ASXL2: variants seen among roughly 807,000 people sequenced by gnomAD.
ASXL2 encodes ASXL transcriptional regulator 2, also known as putative Polycomb group protein ASXL2.
In ASXL2, 23 loss-of-function variants were observed where a neutral mutation model predicts 122.0. The ratio of observed to expected loss-of-function variants is 0.19; its 90% CI spans 0.14 to 0.27. ASXL2 has a LOEUF of 0.27. Ranked by LOEUF, ASXL2 falls within the 10% of genes least tolerant of loss-of-function variation. The pLI is 1.00. For missense variants in ASXL2, 1,518 were observed against 1,713.8 expected, an observed-to-expected ratio of 0.89 and a Z score of 2.02; for synonymous variants, 650 against 637.0, an observed-to-expected ratio of 1.02 and a Z score of -0.31.
chr2:25,804,715 T>C (rs934709957), intron 4 of ASXL2, among the ~76,000 whole-genome samples: 1 of 152,220 alleles, frequency 6.6e-6, no homozygotes, highest in African/African-American at 2.4e-5. Flanking sequence ...GAAAAGTTAT[T>C]GATAAGTAAA....
intron 8 of ASXL2, among the ~76,000 whole-genome samples, chr2:25,766,461 C>G (rs930805071): frequency 1.1e-4 from 17 of 152,296 alleles, no homozygotes; most frequent in African/African-American, 4.1e-4. Context: ...CCTACTGAAC[C>G]TCTTTTTAAC....
intron 3 of ASXL2, chr2:25,810,574 GCT>G (rs2089153122): frequency 1.4e-6 from 1 of 724,262 alleles, no homozygotes; most frequent in Admixed American, 1.9e-5. Context: ...GAGGTGCTCA[GCT>G]CTCTCCTCTG....
intron 3 of ASXL2, among the ~76,000 whole-genome samples, chr2:25,822,082 C>G (rs1309001006): frequency 1.3e-5 from 2 of 152,014 alleles, no homozygotes; most frequent in Admixed American, 6.5e-5. Flanking sequence ...ATTGAGTTGG[C>G]GAGAAGAATT....
intron 1 of ASXL2, among the ~76,000 whole-genome samples, chr2:25,872,729 T>C (rs2089971370): frequency 6.6e-6 from 1 of 152,148 alleles, no homozygotes; most frequent in Non-Finnish European, 1.5e-5. Flanking sequence ...GAATCTCTAT[T>C]ATATGGATAA....
chr2:25,810,377 C>T (rs1404484847), intron 3 of ASXL2: 1 of 660,154 alleles, frequency 1.5e-6, no homozygotes, highest in African/African-American at 1.8e-5. Flanking sequence ...CAGTTTTTAA[C>T]AACCTTCATA....
intron 2 of ASXL2, among the ~76,000 whole-genome samples, chr2:25,837,953 C>CAAAAAAAA (rs34490545): frequency 1.5e-5 from 1 of 65,382 alleles, no homozygotes; most frequent in Non-Finnish European, 3.4e-5. Context: ...CCTGTCTCTA[C>CAAAAAAAA]AAAAAAAAAA....
In ASXL2 at chr2:25,750,334, G is replaced by C. The variant is rs1341185112; in HGVS notation, c.1222C>G (p.Gln408Glu). ...DPKVKKTPAE[Q>E]PKSMPVSEAS... is the part of the protein sequence containing the mutation. ...TCTGACACAGGCATGGATTTTGGTT[G>C]TTCAGCTGGGGTTTTCTTTACTTTG... The change falls in exon 12 of 13, where the codon CAA (glutamine) becomes GAA (glutamate). Residue 408 changes from glutamine to glutamate, a missense_variant. By Grantham distance (29) the Gln-to-Glu change is conservative. This residue lies in a region of ASXL2 where 292 missense variants were observed against 293.5 expected (regional missense o/e 1.00). Transcript: ENST00000435504. The C allele has an allele frequency of 1.2e-6, 2 of 1,613,964 alleles. No homozygotes were observed. Among genetic ancestry groups the C allele is most frequent in the Admixed American group, 1.7e-5 (1 of 60,002 alleles).
chr2:25,831,608 C>T (rs923243672), intron 3 of ASXL2, among the ~76,000 whole-genome samples: 3 of 151,948 alleles, frequency 2.0e-5, no homozygotes, highest in Non-Finnish European at 2.9e-5. Context: ...GAGCTGAGAT[C>T]GCACCACTGC....
chr2:25,799,668 A>G, intron 4 of ASXL2, 133 bp from the exon 5 acceptor site: 1 of 1,068,266 alleles, frequency 9.4e-7, no homozygotes, highest in Non-Finnish European at 1.3e-6. Context: ...CAGAACCAGC[A>G]ATATTTTCTG....
chr2:25,856,807 T>C, intron 1 of ASXL2: 2 of 1,167,572 alleles, frequency 1.7e-6, no homozygotes, highest in East Asian at 2.4e-5. Flanking sequence ...TTGGTGACTG[T>C]CAGGTCATCC....
In ASXL2 at chr2:25,739,703, A is replaced by AT. The variant is rs2087795604; in HGVS notation, c.*2325dup. ...CTCTAAACGGACTTAAAAATCCCTG[A>AT]TACCTTTCCTCCTTTCCTAGTTATA... On this transcript the variant is annotated 3_prime_UTR_variant, in exon 13 of 13. Coordinates refer to ENST00000435504, the MANE Select transcript of ASXL2 (RefSeq NM_018263.6). 2 of 207,494 alleles carry AT rather than the reference A, an allele frequency of 9.6e-6. No individual in the cohort carries two copies. 12.9% of individuals were successfully genotyped at this position (207,494 alleles called of 1,614,324 possible).
At chr2:25,803,489 G>A (rs1243242684) in intron 4 of ASXL2, among the ~76,000 whole-genome samples, 1 of 152,174 alleles carries the variant, frequency 6.6e-6, no homozygotes, top group African/African-American at 2.4e-5. Flanking sequence ...CCCTCAACCT[G>A]TGGAATCTGA....
intron 1 of ASXL2, among the ~76,000 whole-genome samples, chr2:25,875,859 T>C (rs1337412590): frequency 6.6e-6 from 1 of 152,220 alleles, no homozygotes; most frequent in Non-Finnish European, 1.5e-5. Context: ...AACATTCTTA[T>C]TTAGGTCAAA....
chr2:25,862,018 A>T (rs950904319), intron 1 of ASXL2, among the ~76,000 whole-genome samples: 5 of 152,152 alleles, frequency 3.3e-5, no homozygotes, highest in Non-Finnish European at 7.4e-5. Context: ...TTTCCAGCTA[A>T]TTTAATGTCA....
chr2:25,871,927 C>A (rs1262615729), intron 1 of ASXL2, among the ~76,000 whole-genome samples: 2 of 152,292 alleles, frequency 1.3e-5, no homozygotes, highest in Middle Eastern at 3.4e-3. Context: ...TGCATCAGAG[C>A]AGTTCCTCAA....
At chr2:25,836,404 G>A (rs2089510640) in intron 2 of ASXL2, among the ~76,000 whole-genome samples, 1 of 152,122 alleles carries the variant, frequency 6.6e-6, no homozygotes, top group Admixed American at 6.6e-5. Flanking sequence ...ACTCTGCAGG[G>A]ATAAGGATTT....
chr2:25,799,533 T>C lies in ASXL2; in HGVS notation c.255A>G (p.Lys85=), dbSNP rs768404923. 8.1e-6 allele frequency: 13 copies of C among 1,609,530 alleles called. No individual in the cohort carries two copies. The highest frequency in any genetic ancestry group is 5.5e-5 in the South Asian group (5 of 90,452). ...GCTCTTTCACCCCATCCGGCACATCTTTCTGAAAATGTAGGCATCCAATTA... is the reference window on the plus strand; with the variant it reads ...GCTCTTTCACCCCATCCGGCACATCCTTCTGAAAATGTAGGCATCCAATTA... The part of the protein sequence containing the change: ...PGRMGVYTLK[K]DVPDGVKELS... The change falls in exon 5 of 13, where the codon AAA becomes AAG. Residue 85 remains lysine (K), a splice_region_variant and synonymous_variant. Coordinates refer to ENST00000435504, the MANE Select transcript of ASXL2 (RefSeq NM_018263.6).
At chr2:25,829,188 G>A (rs552909259) in intron 3 of ASXL2, among the ~76,000 whole-genome samples, 216 of 152,170 alleles carry the variant, frequency 1.4e-3, no homozygotes, top group Non-Finnish European at 2.5e-3. Context: ...CCTGAGCCCA[G>A]AAGGTCGAGG....
rs148802553 is a variant in ASXL2 at position 25,781,103 on chromosome 2, T to C, written c.404-9563A>G. On this transcript the variant is annotated intron_variant, in intron 5 of 12. Transcript: ENST00000435504. ...AAAAGAAATTAATTCACCCATGTTT[T>C]CCTGTAGTACTTGGTTTCATATTTT... 8.8e-4 allele frequency among the ~76,000 whole-genome samples: 134 copies of C among 152,196 alleles called. 2 individuals are homozygous for C. Among genetic ancestry groups the C allele is most frequent in the African/African-American group, 3.0e-3 (125 of 41,536 alleles).
Sources: allele counts gnomAD v4.1 joint callset (sites outside exome capture counted in the v4.1 genomes callset), GRCh38; gene constraint gnomAD v4.1.1; regional missense constraint gnomAD v4.1.1; transcripts MANE v1.5; gene names NCBI Gene and HGNC (gene_info 2026-07-23, HGNC 2026-07-21).